ZFP82: variants seen among roughly 807,000 people sequenced by gnomAD.
ZFP82 encodes the protein ZFP82 zinc finger protein.
A neutral mutation model predicts 54.0 loss-of-function variants in ZFP82; 30 were observed. The observed-to-expected ratio is 0.56, with a 90% CI of 0.42 to 0.75. The LOEUF (loss-of-function observed/expected upper bound fraction) is 0.75, where lower values mean the gene tolerates loss of function less well. ZFP82 is among the 30% of genes least tolerant of loss of function. ZFP82 has a pLI of 0.00. For synonymous variants in ZFP82, 194 were observed against 209.5 expected, an observed-to-expected ratio of 0.93 and a Z score of 0.64; for missense variants, 500 against 636.8, an observed-to-expected ratio of 0.79 and a Z score of 2.31.
rs10695573 is a variant in ZFP82 at position 36,390,331 on chromosome 19, C to CTTTTT, written c.*2405_*2409dup. The CTTTTT allele has an allele frequency of 1.8e-4, 24 of 130,656 alleles. 2 individuals carry two copies. The highest frequency in any genetic ancestry group is 7.1e-4 in the African/African-American group (24 of 33,806). 8.1% of individuals were successfully genotyped at this position (130,656 alleles called of 1,614,324 possible). On this transcript the variant is annotated 3_prime_UTR_variant, in exon 5 of 5. Coordinates refer to ENST00000392161, the MANE Select transcript of ZFP82 (RefSeq NM_133466.4). ...TTAAAGTGTAGGATTCCATTTTTGT[C>CTTTTT]TTTTTTTTTTTTTTTTTTGACATGT...
intron 4 of ZFP82, among the ~76,000 whole-genome samples, chr19:36,404,053 T>C (rs553260084): frequency 3.3e-5 from 5 of 152,340 alleles, no homozygotes; most frequent in African/African-American, 1.2e-4. Flanking sequence ...CCTATTTATT[T>C]ATAGTTATTA....
At chr19:36,401,327 A>ATATT (rs1426983369) in intron 4 of ZFP82, among the ~76,000 whole-genome samples, 1 of 152,204 alleles carries the variant, frequency 6.6e-6, no homozygotes, top group Non-Finnish European at 1.5e-5. Context: ...GACAGATAAT[A>ATATT]ATCATCACAA....
In ZFP82 at chr19:36,402,234, C is replaced by T. The variant is rs537720769; in HGVS notation, c.229+3346G>A. Among the ~76,000 whole-genome samples, 3 of 151,900 alleles carry T rather than the reference C, an allele frequency of 2.0e-5. No individual in the cohort carries two copies. The South Asian group carries it at 6.2e-4, about 32-fold the overall frequency. On this transcript the variant is annotated intron_variant, in intron 4 of 4. Coordinates refer to ENST00000392161, the MANE Select transcript of ZFP82 (RefSeq NM_133466.4). ...CTGTAATCCCAGCACTTTGGGAAGC[C>T]AAGGTGGGCGGATCACAAGGTCAGG... is the stretch of plus-strand genomic sequence containing the variant.
At chr19:36,415,976 A>G (rs185421010) in intron 1 of ZFP82, among the ~76,000 whole-genome samples, 71 of 152,358 alleles carry the variant, frequency 4.7e-4, no homozygotes, top group Non-Finnish European at 9.4e-4. Context: ...GGTAAACAAC[A>G]GTTTATCTTT....
At chr19:36,413,353 G>C (rs2032611598) in intron 1 of ZFP82, among the ~76,000 whole-genome samples, 1 of 152,178 alleles carries the variant, frequency 6.6e-6, no homozygotes, top group Non-Finnish European at 1.5e-5. Context: ...GGAGGTTGCA[G>C]TGAGCTGAGA....
rs1392419054 is a variant in ZFP82, at chr19:36,394,023, C to A, written c.317G>T (p.Arg106Ile). Reference protein sequence around the residue: ...INLSQWKIMERIENHGLKGLI... With the variant: ...INLSQWKIMEIIENHGLKGLI... ...ACCCTTAAGGCCATGGTTTTCAATT[C>A]TTTCCATTATCTTCCACTGGGATAA... Residue 106 changes from arginine to isoleucine, a missense_variant, in exon 5 of 5, where the codon AGA (arginine) becomes ATA (isoleucine). Physicochemically the swap from Arg to Ile is moderately conservative, Grantham distance 97. Transcript: ENST00000392161. 17 of 1,610,702 alleles carry A rather than the reference C, an allele frequency of 1.1e-5. No homozygotes were observed. Among genetic ancestry groups the A allele is most frequent in the East Asian group, 2.2e-5 (1 of 44,878 alleles).
intron 2 of ZFP82, 127 bp downstream of exon 2, chr19:36,409,654 C>T (rs2032543129): frequency 1.1e-6 from 1 of 942,562 alleles, no homozygotes; most frequent in Admixed American, 1.9e-5. Context: ...GGTTCACCCG[C>T]CACTGGATTT....
intron 4 of ZFP82, 108 bp from the exon 5 acceptor site, chr19:36,394,218 T>A: frequency 2.0e-6 from 2 of 1,007,932 alleles, no homozygotes; most frequent in African/African-American, 1.6e-5. Flanking sequence ...ACCAAAACTC[T>A]AAAATATTGT....
At chr19:36,407,709 G>A (rs1358442495) in intron 3 of ZFP82, among the ~76,000 whole-genome samples, 178 bp downstream of exon 3, 3 of 152,214 alleles carry the variant, frequency 2.0e-5, no homozygotes, top group African/African-American at 7.2e-5. Context: ...TAAGGATGGG[G>A]AAGGTCAATG....
At chr19:36,399,468 C>T (rs1300559542) in intron 4 of ZFP82, among the ~76,000 whole-genome samples, 1 of 152,156 alleles carries the variant, frequency 6.6e-6, no homozygotes, top group Non-Finnish European at 1.5e-5. Flanking sequence ...TGTTTACCTC[C>T]AGAGGAGGCA....
intron 3 of ZFP82, among the ~76,000 whole-genome samples, chr19:36,407,170 G>A (rs1172300924): frequency 2.0e-5 from 3 of 147,512 alleles, no homozygotes; most frequent in Non-Finnish European, 1.5e-5. Context: ...TCCGCCTCCC[G>A]GGTTCACGCC....
At chr19:36,397,233 C>T (rs150205224) in intron 4 of ZFP82, among the ~76,000 whole-genome samples, 115 of 151,920 alleles carry the variant, frequency 7.6e-4, no homozygotes, top group Middle Eastern at 3.4e-3. Context: ...GCTGGGATTA[C>T]AGGCACACAC....
chr19:36,407,784 CA>C, intron 3 of ZFP82, 102 bp downstream of exon 3: 1 of 1,346,394 alleles, frequency 7.4e-7, no homozygotes, highest in Middle Eastern at 2.0e-4. Flanking sequence ...GAAAGTGGAG[CA>C]AAAATTTAGA....
intron 4 of ZFP82, among the ~76,000 whole-genome samples, chr19:36,397,561 G>T (rs2032317262): frequency 7.0e-6 from 1 of 142,462 alleles, no homozygotes; most frequent in African/African-American, 2.9e-5. Flanking sequence ...TGGATAATTT[G>T]TTGTTTTTTT....
In ZFP82 at chr19:36,409,770, A is replaced by G. The variant is rs773628431; in HGVS notation, c.9+11T>C. ...ACATGATAGTATTCCTAGGAGGAGA[A>G]AAAAACTTACAAGGGCCATGGTATA... On this transcript the variant is annotated intron_variant, in intron 2 of 4. Coordinates refer to ENST00000392161, the MANE Select transcript of ZFP82 (RefSeq NM_133466.4). 21 of 1,613,806 alleles carry G rather than the reference A, an allele frequency of 1.3e-5. No individual in the cohort carries two copies. The highest frequency in any genetic ancestry group is 1.7e-4 in the Middle Eastern group (1 of 6,060).
intron 2 of ZFP82, among the ~76,000 whole-genome samples, chr19:36,409,566 T>C (rs377317577): frequency 2.3e-4 from 35 of 152,264 alleles, no homozygotes; most frequent in African/African-American, 2.2e-4. Context: ...TGAGCACATA[T>C]AGGAGATGCT....
downstream of ZFP82, among the ~76,000 whole-genome samples, chr19:36,387,584 A>G (rs1014424852): frequency 1.3e-5 from 2 of 151,938 alleles, no homozygotes; most frequent in Admixed American, 6.6e-5. Context: ...CTGCGAGCCA[A>G]TTTCTGTTCA....
chr19:36,400,961 T>C (rs2032373553), intron 4 of ZFP82, among the ~76,000 whole-genome samples: 1 of 152,206 alleles, frequency 6.6e-6, no homozygotes, highest in South Asian at 2.1e-4. Context: ...GGATTCTCCA[T>C]CTTGCTGGAA....
intron 2 of ZFP82, among the ~76,000 whole-genome samples, chr19:36,408,817 CA>C (rs999048465): frequency 6.8e-6 from 1 of 148,026 alleles, no homozygotes; most frequent in Non-Finnish European, 1.5e-5. Flanking sequence ...AACTCCGTCT[CA>C]AAAAAAAACA....
Sources: allele counts gnomAD v4.1 joint callset (sites outside exome capture counted in the v4.1 genomes callset), GRCh38; gene constraint gnomAD v4.1.1; transcripts MANE v1.5; gene names NCBI Gene and HGNC (gene_info 2026-07-23, HGNC 2026-07-21).